EDIL3: variants seen among roughly 807,000 people sequenced by gnomAD.
EDIL3 encodes the protein EGF like and discoidin domains 3.
In EDIL3, 37 loss-of-function variants were observed where a neutral mutation model predicts 67.4. The observed-to-expected ratio is 0.55, with a 90% CI of 0.42 to 0.72. The LOEUF (loss-of-function observed/expected upper bound fraction) is 0.72. EDIL3 is among the 30% of genes least tolerant of loss of function. EDIL3 has a pLI of 0.00. For missense variants in EDIL3, 527 were observed against 586.3 expected, an observed-to-expected ratio of 0.90 and a Z score of 1.04; for synonymous variants, 195 against 196.3, an observed-to-expected ratio of 0.99 and a Z score of 0.05.
intron 10 of EDIL3, among the ~76,000 whole-genome samples, chr5:83,961,646 T>A (rs1744609482): frequency 6.6e-6 from 1 of 151,138 alleles, no homozygotes; most frequent in Admixed American, 6.6e-5. Flanking sequence ...AAAATTAATT[T>A]CAAGCCTGTA....
At chr5:83,999,231 C>T (rs1745283858) in intron 9 of EDIL3, among the ~76,000 whole-genome samples, 1 of 152,068 alleles carries the variant, frequency 6.6e-6, no homozygotes, top group Non-Finnish European at 1.5e-5. Flanking sequence ...GTCTTCAATG[C>T]CCAGAAATCG....
At chr5:84,321,775 T>C (rs1746654626) in intron 1 of EDIL3, among the ~76,000 whole-genome samples, 1 of 152,156 alleles carries the variant, frequency 6.6e-6, no homozygotes, top group Non-Finnish European at 1.5e-5. Context: ...CTTTCCCCAT[T>C]GTTGCCAATA....
chr5:84,117,720 C>T (rs1747696536), intron 5 of EDIL3, among the ~76,000 whole-genome samples: 1 of 149,556 alleles, frequency 6.7e-6, no homozygotes, highest in Non-Finnish European at 1.5e-5. Context: ...GGACTTAATA[C>T]TTTTTTTTTC....
At chr5:83,998,526 A>G (rs923216848) in intron 9 of EDIL3, among the ~76,000 whole-genome samples, 1 of 152,084 alleles carries the variant, frequency 6.6e-6, no homozygotes, top group Non-Finnish European at 1.5e-5. Context: ...TGTGGTGGCT[A>G]TAGGGAGAGA....
At chr5:84,153,514 T>C (rs527604252) in intron 4 of EDIL3, among the ~76,000 whole-genome samples, 77 of 151,258 alleles carry the variant, frequency 5.1e-4, no homozygotes, top group African/African-American at 1.0e-3. Context: ...AGGCTGGTCT[T>C]GAACTCCTGA....
chr5:84,320,057 G>A (rs1182912144), intron 1 of EDIL3, among the ~76,000 whole-genome samples: 1 of 152,040 alleles, frequency 6.6e-6, no homozygotes. Flanking sequence ...TGTAAATGAC[G>A]AGTTGATGGG....
chr5:83,960,446 C>T (rs887724574), intron 10 of EDIL3, among the ~76,000 whole-genome samples: 1 of 150,914 alleles, frequency 6.6e-6, no homozygotes, highest in Admixed American at 6.6e-5. Context: ...CCCAATAACG[C>T]TGATGTGATC....
rs963388118 is a variant in EDIL3, at chr5:84,334,353, C to T, written c.67+49955G>A. ...TGGTGGGATTACAGGCATGAGCCACCGCGCCTGGCCAGAAGAGATGCAATA... is the reference window on the plus strand; with the variant it reads ...TGGTGGGATTACAGGCATGAGCCACTGCGCCTGGCCAGAAGAGATGCAATA... On this transcript the variant is annotated intron_variant, in intron 1 of 10. Transcript: ENST00000296591. Among the ~76,000 whole-genome samples, 7 of 152,010 alleles carry T rather than the reference C, an allele frequency of 4.6e-5. No homozygotes were observed. In the South Asian group the frequency reaches 6.2e-4, roughly 13 times the overall value.
chr5:84,326,965 T>C (rs1399626211), intron 1 of EDIL3, among the ~76,000 whole-genome samples: 1 of 151,996 alleles, frequency 6.6e-6, no homozygotes, highest in Admixed American at 6.6e-5. Context: ...AAAGTCTTTT[T>C]CCCTAGCTCT....
At chr5:84,326,178 T>C (rs1029343631) in intron 1 of EDIL3, among the ~76,000 whole-genome samples, 2 of 152,034 alleles carry the variant, frequency 1.3e-5, no homozygotes, top group African/African-American at 4.8e-5. Context: ...GGATGATCCA[T>C]CAGGAGGGTC....
chr5:83,947,401 G>A (rs1580246901), intron 10 of EDIL3, among the ~76,000 whole-genome samples: 1 of 151,238 alleles, frequency 6.6e-6, no homozygotes, highest in African/African-American at 2.4e-5. Context: ...GTGTGTGTGT[G>A]TGTGCAGAGG....
At chr5:84,248,236 A>T (rs564260009) in intron 2 of EDIL3, among the ~76,000 whole-genome samples, 68 of 152,268 alleles carry the variant, frequency 4.5e-4, no homozygotes, top group African/African-American at 1.5e-3. Flanking sequence ...AACCAACAAG[A>T]TCATCCATCA....
At chr5:84,075,483 C>CTTCTTCTTCTTCTTCTTA (rs751286945) in intron 6 of EDIL3, among the ~76,000 whole-genome samples, 41 of 150,972 alleles carry the variant, frequency 2.7e-4, no homozygotes, top group African/African-American at 1.0e-3. Context: ...TCTTCTTCTT[C>CTTCTTCTTCTTCTTCTTA]TTATTATTTT....
intron 5 of EDIL3, among the ~76,000 whole-genome samples, chr5:84,117,936 T>C (rs1318501041): frequency 1.3e-5 from 2 of 152,038 alleles, no homozygotes; most frequent in South Asian, 2.1e-4. Flanking sequence ...TTTGTACAAA[T>C]GAGAATAGTG....
chr5:83,998,089 G>C (rs1745265344), intron 9 of EDIL3, among the ~76,000 whole-genome samples: 1 of 152,148 alleles, frequency 6.6e-6, no homozygotes, highest in Non-Finnish European at 1.5e-5. Flanking sequence ...GAAAAGTCTA[G>C]ATGCTGTGCT....
intron 6 of EDIL3, among the ~76,000 whole-genome samples, chr5:84,092,237 G>T (rs187359642): frequency 2.4e-3 from 368 of 152,234 alleles, no homozygotes; most frequent in African/African-American, 8.4e-3. Flanking sequence ...AATCAATTCA[G>T]ATTTTCTCCA....
intron 10 of EDIL3, among the ~76,000 whole-genome samples, chr5:83,952,793 G>C (rs901314894): frequency 3.3e-5 from 5 of 151,774 alleles, no homozygotes; most frequent in African/African-American, 1.2e-4. Flanking sequence ...AGAGAAATTG[G>C]TGTATTTGGT....
At chr5:84,011,590 T>C (rs748290350) in intron 9 of EDIL3, among the ~76,000 whole-genome samples, 11 of 152,182 alleles carry the variant, frequency 7.2e-5, no homozygotes, top group Non-Finnish European at 1.5e-4. Flanking sequence ...TATCTTTTTA[T>C]CACACACAAA....
At chr5:84,040,196 A>C (rs1179162394) in intron 9 of EDIL3, among the ~76,000 whole-genome samples, 1 of 152,208 alleles carries the variant, frequency 6.6e-6, no homozygotes, top group Non-Finnish European at 1.5e-5. Flanking sequence ...CTCCTATGAA[A>C]TGTATCAGTG....
Sources: gnomAD v4.1 joint callset for allele counts (sites outside exome capture counted in the v4.1 genomes callset) on GRCh38, gnomAD v4.1.1 for gene constraint, MANE v1.5 for transcripts, NCBI Gene and HGNC (gene_info 2026-07-23, HGNC 2026-07-21) for gene names.